HIVEP3: variants seen among roughly 807,000 people sequenced by gnomAD.
HIVEP3 encodes HIVEP zinc finger 3, also known as transcription factor HIVEP3.
A neutral mutation model predicts 152.8 loss-of-function variants in HIVEP3; 49 were observed. The observed-to-expected ratio is 0.32, with a 90% confidence interval of 0.26 to 0.41. The LOEUF (loss-of-function observed/expected upper bound fraction) is 0.41, where lower values mean the gene tolerates loss of function less well. Among genes scored for constraint, HIVEP3 ranks in the 10% least tolerant of loss-of-function variants. HIVEP3 has a pLI of 1.00. For synonymous variants in HIVEP3, 1,269 were observed against 1,289.0 expected, an observed-to-expected ratio of 0.98 and a Z score of 0.33; for missense variants, 2,790 against 3,103.3, an observed-to-expected ratio of 0.90 and a Z score of 2.40.
intron 1 of HIVEP3, among the ~76,000 whole-genome samples, chr1:41,792,124 C>A (rs774100623): frequency 6.6e-6 from 1 of 152,204 alleles, no homozygotes; most frequent in Non-Finnish European, 1.5e-5. Context: ...CCTGTACCTC[C>A]GAGGTCCTGA....
intron 3 of HIVEP3, among the ~76,000 whole-genome samples, chr1:41,619,850 G>A (rs547705705): frequency 1.3e-5 from 2 of 152,150 alleles, no homozygotes; most frequent in African/African-American, 2.4e-5. Context: ...TAGGAAATTC[G>A]CAGAGGTAGC....
At chr1:41,947,731 C>T (rs533733013) in intron 1 of HIVEP3, among the ~76,000 whole-genome samples, 15 of 152,328 alleles carry the variant, frequency 9.8e-5, no homozygotes, top group East Asian at 1.9e-4. Flanking sequence ...GTCCGAGGGA[C>T]GAGCTTGCAA....
At chr1:41,746,025 C>T (rs1314764137) in intron 1 of HIVEP3, among the ~76,000 whole-genome samples, 1 of 152,206 alleles carries the variant, frequency 6.6e-6, no homozygotes, top group African/African-American at 2.4e-5. Context: ...CAGCCCCTGG[C>T]TGAGATGATT....
intron 1 of HIVEP3, among the ~76,000 whole-genome samples, chr1:41,994,249 A>C (rs1645381757): frequency 6.6e-6 from 1 of 151,600 alleles, no homozygotes; most frequent in Non-Finnish European, 1.5e-5. Flanking sequence ...TTTTTTAAGG[A>C]CAGTGATAGA....
chr1:41,664,526 G>A lies in HIVEP3; in HGVS notation c.-720-35579C>T, dbSNP rs1645764999. On this transcript the variant is annotated intron_variant, in intron 2 of 8. Transcript: ENST00000372583. The surrounding 1 kb of genome is among the most constrained non-coding windows in gnomAD (Gnocchi z 4.4). ...TCACCTCACATTGAAGTCAGTTATT[G>A]GGGGCCTCCTCTTCCTCAGACTGGG... Among the ~76,000 whole-genome samples the A allele has an allele frequency of 6.6e-6, 1 of 152,180 alleles. No homozygotes were observed. The highest frequency in any genetic ancestry group is 2.4e-5 in the African/African-American group (1 of 41,434).
At position 41,596,447 on chromosome 1, in the gene HIVEP3, C is replaced by G. The variant is rs555091559; in HGVS notation, c.-521-11129G>C. 1.2e-4 allele frequency among the ~76,000 whole-genome samples: 19 copies of G among 152,246 alleles called. No homozygotes were observed. The East Asian group carries it at 3.3e-3, about 26-fold the overall frequency. ...CAATGGGTCAAACAGTGCTGTTCCC[C>G]CAAGAAGCCTGGGATGTCTGCCTTG... On this transcript the variant is annotated intron_variant, in intron 3 of 8. Coordinates refer to ENST00000372583, the MANE Select transcript of HIVEP3 (RefSeq NM_024503.5).
In HIVEP3 at chr1:42,013,684, G is replaced by A. The variant is rs144134085; in HGVS notation, n.119+22123C>T. ...ATTAAATCAGCCCAAGCTGCCAAAT[G>A]TGCTGGGTCAAACCCATAGCAGTCT... On this transcript the variant is annotated intron_variant and non_coding_transcript_variant, in intron 1 of 3. Transcript: ENST00000489103. Among the ~76,000 whole-genome samples the A allele has an allele frequency of 3.4e-3, 511 of 152,282 alleles. 3 individuals carry two copies. Among genetic ancestry groups the A allele is most frequent in the African/African-American group, 0.012 (493 of 41,542 alleles).
chr1:41,827,139 G>A (rs542480650), intron 1 of HIVEP3, among the ~76,000 whole-genome samples: 7 of 152,300 alleles, frequency 4.6e-5, no homozygotes, highest in East Asian at 3.9e-4. Context: ...GGCTGCTGAC[G>A]GCCATAATCA....
chr1:41,621,152 C>T (rs1358582265), intron 3 of HIVEP3, among the ~76,000 whole-genome samples: 2 of 152,232 alleles, frequency 1.3e-5, no homozygotes, highest in Admixed American at 6.5e-5. Context: ...CAGGTGACAC[C>T]AGTCTGAATA....
chr1:41,755,718 A>G (rs1647278297), intron 1 of HIVEP3, among the ~76,000 whole-genome samples: 1 of 152,248 alleles, frequency 6.6e-6, no homozygotes. Flanking sequence ...AAGCACGTAA[A>G]AAGATGTTCA....
intron 1 of HIVEP3, among the ~76,000 whole-genome samples, chr1:41,730,737 C>T (rs755891379): frequency 2.0e-5 from 3 of 152,204 alleles, no homozygotes; most frequent in Non-Finnish European, 4.4e-5. Context: ...CCTGATTATC[C>T]GGTGAAGGCT....
chr1:41,625,550 G>A (rs946175323), intron 3 of HIVEP3, among the ~76,000 whole-genome samples: 3 of 152,036 alleles, frequency 2.0e-5, no homozygotes, highest in East Asian at 1.9e-4. Context: ...TAAATATAAC[G>A]TTCATAATAA....
At chr1:42,023,115 T>A (rs1355336597) in intron 1 of HIVEP3, among the ~76,000 whole-genome samples, 1 of 152,198 alleles carries the variant, frequency 6.6e-6, no homozygotes, top group Non-Finnish European at 1.5e-5. Context: ...CAAGTGATTC[T>A]CATGCCTCAG....
intron 5 of HIVEP3, among the ~76,000 whole-genome samples, chr1:41,574,936 C>A (rs1044371794): frequency 6.6e-6 from 1 of 152,176 alleles, no homozygotes; most frequent in African/African-American, 2.4e-5. Context: ...AGCTCTGAAA[C>A]GTTTAGACCA....
At chr1:41,707,150 C>G (rs957768534) in intron 1 of HIVEP3, among the ~76,000 whole-genome samples, 1 of 152,196 alleles carries the variant, frequency 6.6e-6, no homozygotes, top group Non-Finnish European at 1.5e-5. Flanking sequence ...GGGGCTGCCC[C>G]TTGAAGGGGT....
chr1:41,944,980 A>AG (rs917490216), intron 1 of HIVEP3, among the ~76,000 whole-genome samples: 97 of 152,304 alleles, frequency 6.4e-4, no homozygotes, highest in African/African-American at 1.7e-3. Context: ...ATCCTCTTCA[A>AG]GGGGGAGAAA....
chr1:41,788,068 C>CT (rs1649469670), intron 1 of HIVEP3, among the ~76,000 whole-genome samples: 1 of 152,222 alleles, frequency 6.6e-6, no homozygotes, highest in South Asian at 2.1e-4. Flanking sequence ...GTGCCACCCT[C>CT]TGTCTACCCA....
chr1:41,572,349 G>A (rs1374808375), intron 5 of HIVEP3, among the ~76,000 whole-genome samples: 1 of 152,178 alleles, frequency 6.6e-6, no homozygotes, highest in African/African-American at 2.4e-5. Flanking sequence ...GATCAGGTAT[G>A]GGAGCTGCCA....
intron 6 of HIVEP3, among the ~76,000 whole-genome samples, chr1:41,521,207 A>C (rs1373393168): frequency 6.6e-6 from 1 of 152,204 alleles, no homozygotes; most frequent in East Asian, 1.9e-4. Flanking sequence ...GTAGAGTGGC[A>C]GCAGAGTGTG....
Sources: allele counts gnomAD v4.1 joint callset (sites outside exome capture counted in the v4.1 genomes callset), GRCh38; gene constraint gnomAD v4.1.1; non-coding constraint Gnocchi (gnomAD v3.1); transcripts MANE v1.5; gene names NCBI Gene and HGNC (gene_info 2026-07-23, HGNC 2026-07-21).